NRG1: variants seen among roughly 807,000 people sequenced by gnomAD.
NRG1 encodes pro-neuregulin-1, membrane-bound isoform.
In NRG1, 18 loss-of-function variants were observed where a neutral mutation model predicts 63.8. That is an observed-to-expected ratio of 0.28 (90% confidence interval 0.19 to 0.42). The LOEUF (loss-of-function observed/expected upper bound fraction) is 0.42. NRG1 is among the 10% of genes least tolerant of loss of function. NRG1 has a pLI of 1.00. For missense variants in NRG1, 762 were observed against 814.7 expected, an observed-to-expected ratio of 0.94 and a Z score of 0.79; for synonymous variants, 302 against 301.3, an observed-to-expected ratio of 1.00 and a Z score of -0.02.
At chr8:32,001,538 T>C (rs765688483) in intron 1 of NRG1, among the ~76,000 whole-genome samples, 3 of 152,056 alleles carry the variant, frequency 2.0e-5, no homozygotes, top group Admixed American at 6.6e-5. Context: ...TCAATAGATA[T>C]TGATATCAAT....
intron 1 of NRG1, among the ~76,000 whole-genome samples, chr8:32,035,603 A>C (rs1054989161): frequency 3.9e-5 from 6 of 151,996 alleles, no homozygotes; most frequent in African/African-American, 1.4e-4. Flanking sequence ...TCAACTTGCT[A>C]TATGAATCAG....
At chr8:31,994,734 T>C (rs1277854489) in intron 1 of NRG1, among the ~76,000 whole-genome samples, 1 of 149,490 alleles carries the variant, frequency 6.7e-6, no homozygotes, top group Non-Finnish European at 1.5e-5. Context: ...AAATTTCCCT[T>C]CTATGCTTTT....
intron 1 of NRG1, among the ~76,000 whole-genome samples, chr8:32,541,935 C>T (rs1832617864): frequency 6.6e-6 from 1 of 152,194 alleles, no homozygotes; most frequent in African/African-American, 2.4e-5. Flanking sequence ...TATCACTAAT[C>T]TGTGAAGTGA....
chr8:31,868,146 TTACA>T (rs1288646049), intron 1 of NRG1, among the ~76,000 whole-genome samples: 8,912 of 115,820 alleles, frequency 0.077, 433 homozygotes, highest in East Asian at 0.089. Context: ...CACATACATC[TTACA>T]CACACACACA....
intron 1 of NRG1, among the ~76,000 whole-genome samples, chr8:32,280,689 TTG>T (rs370220817): frequency 0.017 from 1,386 of 79,566 alleles, 150 homozygotes; most frequent in East Asian, 0.068. Flanking sequence ...GGTTTTTTTT[TTG>T]TTTTTTTTTT....
chr8:32,035,702 G>A (rs1441230983), intron 1 of NRG1, among the ~76,000 whole-genome samples: 1 of 152,068 alleles, frequency 6.6e-6, no homozygotes, highest in Non-Finnish European at 1.5e-5. Context: ...GCCCTTATTT[G>A]TCTTTTTTGA....
chr8:31,839,642 C>CTT (rs1826006781), intron 1 of NRG1, among the ~76,000 whole-genome samples: 1 of 152,190 alleles, frequency 6.6e-6, no homozygotes, highest in Non-Finnish European at 1.5e-5. Flanking sequence ...CCCACTGTCT[C>CTT]TTTTCAACTG....
In NRG1 at chr8:32,133,215, C is replaced by T. The variant is rs189419368; in HGVS notation, c.38-462613C>T. On this transcript the variant is annotated intron_variant, in intron 1 of 10. Transcript: ENST00000519301. ...AATGGCAGGAAAAAGAATTCATATA[C>T]GCATTTGTGTGTTAGAATCAGTGGT... Among the ~76,000 whole-genome samples the T allele has an allele frequency of 1.2e-4, 18 of 152,070 alleles. No individual in the cohort carries two copies. In the East Asian group the frequency reaches 2.9e-3, roughly 25 times the overall value.
At chr8:32,072,113 A>G (rs561580886) in intron 1 of NRG1, among the ~76,000 whole-genome samples, 2 of 152,236 alleles carry the variant, frequency 1.3e-5, no homozygotes, top group South Asian at 2.1e-4. Context: ...TATACAGAAT[A>G]TGACTCTCGC....
chr8:31,939,843 G>A (rs965766474), intron 1 of NRG1, among the ~76,000 whole-genome samples: 32 of 152,222 alleles, frequency 2.1e-4, no homozygotes, highest in South Asian at 1.2e-3. Flanking sequence ...TAATGTTAAA[G>A]GGATTAGTCT....
At chr8:32,201,010 G>A (rs1843448777) in intron 1 of NRG1, among the ~76,000 whole-genome samples, 1 of 152,004 alleles carries the variant, frequency 6.6e-6, no homozygotes. Flanking sequence ...AAACTTCTGG[G>A]GAAACGGCTT....
At chr8:32,449,431 A>G (rs1052878750) in intron 1 of NRG1, among the ~76,000 whole-genome samples, 3 of 151,960 alleles carry the variant, frequency 2.0e-5, no homozygotes, top group East Asian at 3.8e-4. Context: ...AAAAAGAACA[A>G]AAACAACAAC....
At chr8:32,455,277 A>G (rs1283154622) in intron 1 of NRG1, among the ~76,000 whole-genome samples, 1 of 152,198 alleles carries the variant, frequency 6.6e-6, no homozygotes, top group Non-Finnish European at 1.5e-5. Flanking sequence ...ATGAGGTACC[A>G]TACGTGATCC....
chr8:32,413,926 G>GT lies in NRG1; in HGVS notation c.38-181888dup, dbSNP rs763196558. Among the ~76,000 whole-genome samples, 1,088 of 143,272 alleles carry GT rather than the reference G, an allele frequency of 7.6e-3. 1 individual carries two copies. The highest frequency in any genetic ancestry group is 0.013 in the African/African-American group (528 of 39,140). 94.0% of individuals were successfully genotyped at this position (143,272 alleles called of 152,430 possible). On this transcript the variant is annotated intron_variant, in intron 1 of 10. Transcript: ENST00000519301. ...TCTGTTGGAAGAGTTTTTCTTCTAG[G>GT]TTTTTTTTTTTTTTCTGTTATAACT... is the stretch of plus-strand genomic sequence containing the variant.
At chr8:32,750,744 A>T (rs1398776002) in intron 7 of NRG1, among the ~76,000 whole-genome samples, 1 of 150,050 alleles carries the variant, frequency 6.7e-6, no homozygotes, top group Non-Finnish European at 1.5e-5. Flanking sequence ...GGAGTAAACT[A>T]CCAATTTGAT....
At chr8:32,091,441 T>C (rs1374466847) in intron 1 of NRG1, among the ~76,000 whole-genome samples, 1 of 152,164 alleles carries the variant, frequency 6.6e-6, no homozygotes, top group Non-Finnish European at 1.5e-5. Context: ...TAAAATAAGA[T>C]GGTAGTGCCG....
At chr8:31,942,958 A>C (rs1801986782) in intron 1 of NRG1, among the ~76,000 whole-genome samples, 1 of 141,874 alleles carries the variant, frequency 7.0e-6, no homozygotes, top group African/African-American at 3.1e-5. Context: ...GTGGGAATGG[A>C]CTAGTACAAC....
chr8:31,693,448 A>G (rs1809734921), intron 1 of NRG1, among the ~76,000 whole-genome samples: 1 of 152,040 alleles, frequency 6.6e-6, no homozygotes, highest in African/African-American at 2.4e-5. Flanking sequence ...TTATTGTGTT[A>G]TATGCTGGTT....
chr8:32,540,253 A>C (rs1343555715), intron 1 of NRG1, among the ~76,000 whole-genome samples: 1 of 152,164 alleles, frequency 6.6e-6, no homozygotes, highest in Non-Finnish European at 1.5e-5. Flanking sequence ...GAAGGAAAAA[A>C]AATGAGTTGA....
Sources: allele counts gnomAD v4.1 joint callset (sites outside exome capture counted in the v4.1 genomes callset), GRCh38; gene constraint gnomAD v4.1.1; transcripts MANE v1.5; gene names NCBI Gene and HGNC (gene_info 2026-07-23, HGNC 2026-07-21).